Variants in ABCA1 observed in about 807,000 individuals in gnomAD.
ABCA1 encodes the protein phospholipid-transporting ATPase ABCA1.
Under a neutral mutation model 262.5 loss-of-function variants are expected in ABCA1, and 133 were observed. That is an observed-to-expected ratio of 0.51 (90% CI 0.44 to 0.59). The LOEUF is 0.59. Among genes scored for constraint, ABCA1 ranks in the 20% least tolerant of loss-of-function variants. ABCA1 has a pLI of 0.00. For missense variants in ABCA1, 2,452 were observed against 2,777.5 expected (o/e 0.88, Z 2.63); for synonymous variants, 1,022 against 1,043.5 (o/e 0.98, Z 0.40).
chr9:104,801,839 T>C (rs1417028358), intron 34 of ABCA1, among the ~76,000 whole-genome samples: 1 of 152,188 alleles, frequency 6.6e-6, no homozygotes, highest in Non-Finnish European at 1.5e-5. Flanking sequence ...CCACAGCTCC[T>C]GGCCTCTGGA....
intron 7 of ABCA1, among the ~76,000 whole-genome samples, chr9:104,851,517 C>T (rs1448570961): frequency 6.6e-6 from 1 of 152,228 alleles, no homozygotes; most frequent in Non-Finnish European, 1.5e-5. Context: ...AATGCATATA[C>T]TATGTCCTCT....
intron 25 of ABCA1, 56 bp from the exon 26 acceptor site, chr9:104,814,531 C>T: frequency 6.7e-7 from 1 of 1,498,768 alleles, no homozygotes; most frequent in Non-Finnish European, 9.3e-7. Context: ...AGAGTAGTCA[C>T]CACTGCCACG....
intron 30 of ABCA1, among the ~76,000 whole-genome samples, chr9:104,808,969 C>CT (rs1831033902): frequency 6.6e-6 from 1 of 152,168 alleles, no homozygotes; most frequent in South Asian, 2.1e-4. Context: ...CCACTGCTTA[C>CT]TTTTTAAAAG....
At chr9:104,852,439 C>T (rs1835452500) in intron 7 of ABCA1, among the ~76,000 whole-genome samples, 1 of 152,204 alleles carries the variant, frequency 6.6e-6, no homozygotes, top group African/African-American at 2.4e-5. Flanking sequence ...TTAACGCATT[C>T]AAACGCTTCA....
chr9:104,869,672 G>A (rs1837427648), intron 5 of ABCA1, among the ~76,000 whole-genome samples: 1 of 152,140 alleles, frequency 6.6e-6, no homozygotes, highest in Non-Finnish European at 1.5e-5. Flanking sequence ...TAGAGCAGGG[G>A]AGAGTAGGCC....
chr9:104,829,862 GC>G (rs1337203703), intron 14 of ABCA1, among the ~76,000 whole-genome samples: 1 of 151,664 alleles, frequency 6.6e-6, no homozygotes, highest in African/African-American at 2.4e-5. Context: ...GCTATAGATA[GC>G]CATACAAGGA....
Position 104,801,928 on chromosome 9 carries a change from C to T in ABCA1, c.4698+126G>A, listed in dbSNP as rs552339859. On this transcript the variant is annotated intron_variant, in intron 34 of 49. Coordinates refer to ENST00000374736, the MANE Select transcript of ABCA1 (RefSeq NM_005502.4). ...GGCTCAAATCGCTAAATGCCAAAGA[C>T]GGCTCTGTATGCCAACATATTCAGA... The T allele has an allele frequency of 4.2e-5, 37 of 875,704 alleles. 1 individual carries two copies. Among genetic ancestry groups the T allele is most frequent in the Admixed American group, 2.2e-4 (11 of 50,474 alleles). The allele number at this position is 875,704 out of a possible 1,614,324, so 54.2% of individuals were successfully genotyped here.
chr9:104,855,551 C>T (rs951785654), intron 7 of ABCA1: 2 of 994,814 alleles, frequency 2.0e-6, no homozygotes, highest in Admixed American at 3.3e-5. Context: ...ATAATTTCTA[C>T]TACTCATGTC....
chr9:104,853,517 T>C (rs1362871021), intron 7 of ABCA1, among the ~76,000 whole-genome samples: 1 of 152,180 alleles, frequency 6.6e-6, no homozygotes, highest in Non-Finnish European at 1.5e-5. Flanking sequence ...TCAGCCTGGA[T>C]CTCAATGCCC....
intron 2 of ABCA1, among the ~76,000 whole-genome samples, chr9:104,892,679 A>G (rs1339399128): frequency 6.6e-6 from 1 of 152,240 alleles, no homozygotes; most frequent in Non-Finnish European, 1.5e-5. Flanking sequence ...GGTTTAAAAG[A>G]TAATGAACAC....
rs765557857 is a variant in ABCA1, at chr9:104,827,067, A to C, written c.2218T>G (p.Phe740Val). The C allele has an allele frequency of 1.9e-6, 3 of 1,614,082 alleles. No homozygotes were observed. The highest frequency in any genetic ancestry group is 1.3e-5 in the African/African-American group (1 of 74,922). Reference sequence around the variant, plus strand: ...GCTGCTGCCAGGTTGGCTCTGGAGAAGAGTGTGCTAATCAGGAAGCACTGC... The same window carrying C: ...GCTGCTGCCAGGTTGGCTCTGGAGACGAGTGTGCTAATCAGGAAGCACTGC... ...ILQCFLISTL[F>V]SRANLAAACG... is the part of the protein sequence containing the mutation. Residue 740 changes from phenylalanine to valine, a missense_variant, in exon 16 of 50, where the codon TTC becomes GTC. Physicochemically the swap from Phe to Val is conservative, Grantham distance 50. Coordinates refer to ENST00000374736, the MANE Select transcript of ABCA1 (RefSeq NM_005502.4).
At chr9:104,918,478 TAA>T (rs1202621636) in intron 1 of ABCA1, among the ~76,000 whole-genome samples, 3 of 152,210 alleles carry the variant, frequency 2.0e-5, no homozygotes, top group Admixed American at 6.5e-5. Flanking sequence ...GGCAGATTCT[TAA>T]AAGTCTTTTG....
In ABCA1 at chr9:104,862,304, T is replaced by C. The variant is rs984102205; in HGVS notation, c.422-504A>G. Among the ~76,000 whole-genome samples the C allele has an allele frequency of 1.1e-4, 16 of 151,072 alleles. No homozygotes were observed. In the East Asian group the frequency reaches 3.1e-3, roughly 30 times the overall value. ...TTTTTATCTTTAGTACAGACAGGGT[T>C]TCACCATGATAGGCAGGCTGGTCTC... is the stretch of plus-strand genomic sequence containing the variant. On this transcript the variant is annotated intron_variant, in intron 5 of 49. Transcript: ENST00000374736.
intron 1 of ABCA1, among the ~76,000 whole-genome samples, chr9:104,920,700 C>T (rs1250936825): frequency 6.6e-6 from 1 of 152,048 alleles, no homozygotes. Context: ...TTAGTAGAGA[C>T]GGGGTTTCAC....
At chr9:104,854,798 A>G (rs1835693795) in intron 7 of ABCA1, among the ~76,000 whole-genome samples, 1 of 152,230 alleles carries the variant, frequency 6.6e-6, no homozygotes, top group Admixed American at 6.5e-5. Context: ...CTCCCTCATG[A>G]CTAAGTGCAT....
chr9:104,926,635 C>CG (rs78248658), intron 1 of ABCA1, among the ~76,000 whole-genome samples: 13,593 of 152,176 alleles, frequency 0.089, 817 homozygotes, highest in East Asian at 0.23. Flanking sequence ...GGCCAGTCTC[C>CG]GGGGGCCACC....
chr9:104,883,624 C>T (rs1718301117), intron 4 of ABCA1, among the ~76,000 whole-genome samples: 1 of 152,194 alleles, frequency 6.6e-6, no homozygotes, highest in African/African-American at 2.4e-5. Flanking sequence ...CATCTTTATA[C>T]CAATGCAGTC....
chr9:104,834,277 C>T (rs906769146), intron 11 of ABCA1, among the ~76,000 whole-genome samples: 2 of 149,642 alleles, frequency 1.3e-5, no homozygotes, highest in Non-Finnish European at 3.0e-5. Context: ...TTTCAGTAGG[C>T]TACATCCCTG....
At chr9:104,862,704 CCCA>C (rs1564200091) in intron 5 of ABCA1, among the ~76,000 whole-genome samples, 1 of 17,844 alleles carries the variant, frequency 5.6e-5, no homozygotes, top group Non-Finnish European at 1.3e-4. Context: ...CGGGCCGGCC[CCCA>C]CCCCCACCCC....
Sources: gnomAD v4.1 joint callset for allele counts (sites outside exome capture counted in the v4.1 genomes callset) on GRCh38, gnomAD v4.1.1 for gene constraint, MANE v1.5 for transcripts, NCBI Gene and HGNC (gene_info 2026-07-23, HGNC 2026-07-21) for gene names.